The following FAT3 variants were observed in gnomAD, a reference collection of about 807,000 sequenced individuals.
FAT3 encodes the protein FAT atypical cadherin 3, also known as protocadherin Fat 3.
In FAT3, 95 loss-of-function variants were observed where a neutral mutation model predicts 310.2. That is an observed-to-expected ratio of 0.31 (90% CI 0.26 to 0.36). The LOEUF is 0.36. Ranked by LOEUF, FAT3 falls within the 10% of genes least tolerant of loss-of-function variation. FAT3 has a pLI of 1.00. For missense variants in FAT3, 5,408 were observed against 5,715.6 expected, an observed-to-expected ratio of 0.95 and a Z score of 1.74; for synonymous variants, 2,314 against 2,192.9, an observed-to-expected ratio of 1.06 and a Z score of -1.54.
At chr11:92,888,173 A>G (rs1041646897) in intron 25 of FAT3, among the ~76,000 whole-genome samples, 7 of 152,212 alleles carry the variant, frequency 4.6e-5, no homozygotes, top group African/African-American at 1.7e-4. Context: ...GGCACTTCTG[A>G]GAAGTGCAGA....
At position 92,844,002 on chromosome 11, in the gene FAT3, C is replaced by T. The variant is rs770500930; in HGVS notation, c.10635C>T (p.Ser3545=). Reference sequence around the variant, plus strand: ...TCCGCGTGCGAGTCATTGAGGAAAGCACCCACAAGCCCACAGCCATTCCCC... The same window carrying T: ...TCCGCGTGCGAGTCATTGAGGAAAGTACCCACAAGCCCACAGCCATTCCCC... ...TYIRVRVIEE[S]THKPTAIPLE... Residue 3545 remains serine, a synonymous_variant, in exon 19 of 28, where the codon AGC becomes AGT. Coordinates refer to ENST00000525166, the MANE Select transcript of FAT3 (RefSeq NM_001367949.2). 1.9e-6 allele frequency: 3 copies of T among 1,613,966 alleles called. No individual in the cohort carries two copies. The highest frequency in any genetic ancestry group is 1.3e-5 in the African/African-American group (1 of 75,064).
intron 2 of FAT3, among the ~76,000 whole-genome samples, chr11:92,520,876 A>T (rs1380071111): frequency 6.6e-6 from 1 of 152,184 alleles, no homozygotes; most frequent in African/African-American, 2.4e-5. Context: ...AGCCATATAC[A>T]TCTTTTATTT....
intron 2 of FAT3, among the ~76,000 whole-genome samples, chr11:92,358,417 G>A (rs549070812): frequency 5.3e-5 from 8 of 152,092 alleles, no homozygotes; most frequent in Non-Finnish European, 8.8e-5. Flanking sequence ...ATTCTTTCAT[G>A]TTTCTGATGT....
At chr11:92,876,051 C>G (rs769485017) in intron 22 of FAT3, among the ~76,000 whole-genome samples, 1 of 152,126 alleles carries the variant, frequency 6.6e-6, no homozygotes, top group African/African-American at 2.4e-5. Context: ...TTGACCCTCC[C>G]CTGCCCCCAG....
At chr11:92,855,781 A>G (rs1176578951) in intron 19 of FAT3, among the ~76,000 whole-genome samples, 4 of 152,184 alleles carry the variant, frequency 2.6e-5, no homozygotes, top group Admixed American at 6.5e-5. Flanking sequence ...AAGACTTTGT[A>G]AGCTGGATCA....
chr11:92,624,846 T>C (rs1203458079), intron 3 of FAT3, among the ~76,000 whole-genome samples: 1 of 152,210 alleles, frequency 6.6e-6, no homozygotes, highest in African/African-American at 2.4e-5. Flanking sequence ...GGTGGCCTTC[T>C]TCTGAGGACT....
rs576926454 is a variant in FAT3, at chr11:92,811,775, G to A, written c.9481+1699G>A. On this transcript the variant is annotated intron_variant, in intron 13 of 27. Transcript: ENST00000525166. ...AGACAGAGATTATAGGGGTGCTGCT[G>A]GCATCTATGTATAAAGTATACTCAC... Among the ~76,000 whole-genome samples, 3 of 152,252 alleles carry A rather than the reference G, an allele frequency of 2.0e-5. No individual in the cohort carries two copies. The South Asian group carries it at 6.2e-4, about 32-fold the overall frequency.
At chr11:92,641,072 TG>T (rs1160583639) in intron 3 of FAT3, among the ~76,000 whole-genome samples, 1 of 152,078 alleles carries the variant, frequency 6.6e-6, no homozygotes. Context: ...AGCATGCACC[TG>T]TAGTCCCAGC....
At chr11:92,670,178 C>T (rs1361301646) in intron 3 of FAT3, among the ~76,000 whole-genome samples, 2 of 152,174 alleles carry the variant, frequency 1.3e-5, no homozygotes, top group African/African-American at 4.8e-5. Flanking sequence ...GGTGACTTGG[C>T]ATTTGCTTTA....
chr11:92,799,518 T>C lies in FAT3; in HGVS notation c.6505T>C (p.Ser2169Pro). The change falls in exon 10 of 28, where the codon TCT becomes CCT. Residue 2169 changes from serine (S) to proline (P), a missense_variant. Transcript: ENST00000525166. ...CAAGGATGGCGGAAAACCTTCTTTGTCTACATCTGTGGAGCTTCCCATCAC... is the reference window on the plus strand; with the variant it reads ...CAAGGATGGCGGAAAACCTTCTTTGCCTACATCTGTGGAGCTTCCCATCAC... ...LAKDGGKPSL[S>P]TSVELPITIV... 1 of 1,613,758 alleles carries C rather than the reference T, an allele frequency of 6.2e-7. No homozygotes were observed.
intron 3 of FAT3, among the ~76,000 whole-genome samples, chr11:92,569,099 C>G (rs1955579571): frequency 6.6e-6 from 1 of 152,150 alleles, no homozygotes; most frequent in East Asian, 1.9e-4. Context: ...TCCAAGCCCT[C>G]TGTTTGCAAG....
Position 92,753,773 on chromosome 11 carries a change from GGTGT to G in FAT3, c.3670-8060_3670-8057del, listed in dbSNP as rs145467493. Among the ~76,000 whole-genome samples the G allele has an allele frequency of 1.7e-4, 22 of 128,226 alleles. No individual in the cohort carries two copies. The East Asian group carries it at 3.4e-3, about 20-fold the overall frequency. The allele number at this position is 128,226 out of a possible 152,430, so 84.1% of individuals were successfully genotyped here. On this transcript the variant is annotated intron_variant, in intron 4 of 27. Transcript: ENST00000525166. ...AAGAAGTCTTGGATAAAGAAACTGT[GGTGT>G]GTGTGTGTGTGTGTGTGTGTGTATA... is the stretch of plus-strand genomic sequence containing the variant.
intron 6 of FAT3, among the ~76,000 whole-genome samples, chr11:92,772,948 A>G: frequency 6.6e-6 from 1 of 152,202 alleles, no homozygotes; most frequent in Admixed American, 6.5e-5. Context: ...TGTGGAATGT[A>G]AAAATAAACC....
At chr11:92,728,196 A>G (rs1299957879) in intron 4 of FAT3, among the ~76,000 whole-genome samples, 7 of 152,178 alleles carry the variant, frequency 4.6e-5, no homozygotes, top group Admixed American at 3.9e-4. Context: ...AGTTGTCCAT[A>G]TTATTAAGAG....
chr11:92,688,155 A>G (rs947553997), intron 3 of FAT3, among the ~76,000 whole-genome samples: 1 of 152,090 alleles, frequency 6.6e-6, no homozygotes, highest in South Asian at 2.1e-4. Context: ...AGCTATGATC[A>G]TGCCACTGCA....
chr11:92,295,310 G>A (rs915854589), intron 1 of FAT3, among the ~76,000 whole-genome samples: 5 of 152,130 alleles, frequency 3.3e-5, no homozygotes, highest in African/African-American at 4.8e-5. Context: ...GAGCACTTAT[G>A]GAAGAGGTTT....
chr11:92,715,726 T>A (rs1427313841), intron 4 of FAT3, among the ~76,000 whole-genome samples: 1 of 152,092 alleles, frequency 6.6e-6, no homozygotes, highest in African/African-American at 2.4e-5. Context: ...AAACAACTTG[T>A]ATGTGCTATA....
chr11:92,557,374 A>G (rs583066), intron 3 of FAT3, among the ~76,000 whole-genome samples: 23,018 of 152,082 alleles, frequency 0.15, 1,933 homozygotes, highest in East Asian at 0.29. Flanking sequence ...GTAATAAAGC[A>G]AAGACTTAAA....
chr11:92,403,619 C>T (rs1034341804), intron 2 of FAT3, among the ~76,000 whole-genome samples: 1 of 152,144 alleles, frequency 6.6e-6, no homozygotes, highest in Admixed American at 6.6e-5. Context: ...GAGCTTATTT[C>T]CAGGGGTGTT....
Sources: allele counts gnomAD v4.1 joint callset (sites outside exome capture counted in the v4.1 genomes callset), GRCh38; gene constraint gnomAD v4.1.1; transcripts MANE v1.5; gene names NCBI Gene and HGNC (gene_info 2026-07-23, HGNC 2026-07-21).